Variants in CACNA2D3 observed in about 807,000 individuals in gnomAD.
CACNA2D3 encodes the protein voltage-dependent calcium channel subunit alpha-2/delta-3.
Under a neutral mutation model 160.6 loss-of-function variants are expected in CACNA2D3, and 60 were observed. That is an observed-to-expected ratio of 0.37 (90% CI 0.30 to 0.46). The LOEUF (loss-of-function observed/expected upper bound fraction) is 0.46. Ranked by LOEUF, CACNA2D3 falls within the 20% of genes least tolerant of loss-of-function variation. The pLI, the probability that CACNA2D3 is intolerant of heterozygous loss-of-function variation, is 1.00. For missense variants in CACNA2D3, 1,205 were observed against 1,365.0 expected, an observed-to-expected ratio of 0.88 and a Z score of 1.85; for synonymous variants, 558 against 492.9, an observed-to-expected ratio of 1.13 and a Z score of -1.75.
At chr3:54,664,767 G>A (rs1489498678) in intron 11 of CACNA2D3, among the ~76,000 whole-genome samples, 1 of 152,196 alleles carries the variant, frequency 6.6e-6, no homozygotes, top group African/African-American at 2.4e-5. Flanking sequence ...TCAGAGGCTG[G>A]TGCTTTCTCT....
intron 2 of CACNA2D3, among the ~76,000 whole-genome samples, chr3:54,179,307 G>C (rs1700736584): frequency 6.6e-6 from 1 of 152,214 alleles, no homozygotes; most frequent in Non-Finnish European, 1.5e-5. Flanking sequence ...CATGCAGAAG[G>C]ATCTGGAAGG....
In CACNA2D3 at chr3:55,014,636, G is replaced by A. The variant is rs796600481; in HGVS notation, c.2876-3570G>A. On this transcript the variant is annotated intron_variant, in intron 34 of 37. Transcript: ENST00000474759. The stretch of plus-strand genomic sequence containing the variant: ...AATCCCAGCTACTTGGGAGGCTAAG[G>A]TAGGAGAATCGTTTGAACCCAGGAG... Among the ~76,000 whole-genome samples, 8 of 152,246 alleles carry A rather than the reference G, an allele frequency of 5.3e-5. No homozygotes were observed. In the South Asian group the frequency reaches 1.7e-3, roughly 32 times the overall value.
intron 13 of CACNA2D3, among the ~76,000 whole-genome samples, chr3:54,767,181 TG>T (rs935369679): frequency 4.0e-5 from 6 of 151,864 alleles, no homozygotes; most frequent in Admixed American, 6.6e-5. Flanking sequence ...TAAACAAGAT[TG>T]GGGGGAAATT....
chr3:54,512,699 T>A (rs1701478943), intron 5 of CACNA2D3, among the ~76,000 whole-genome samples: 4 of 152,192 alleles, frequency 2.6e-5, no homozygotes, highest in Admixed American at 1.3e-4. Context: ...GATGCATGGA[T>A]GTGGTGAACC....
chr3:54,154,244 A>G (rs915527526), intron 2 of CACNA2D3, among the ~76,000 whole-genome samples: 17 of 152,222 alleles, frequency 1.1e-4, no homozygotes, highest in Admixed American at 6.5e-4. Context: ...AAACATAGCC[A>G]ATACTTGTCT....
At chr3:54,128,520 T>C (rs1699643171) in intron 2 of CACNA2D3, among the ~76,000 whole-genome samples, 1 of 152,126 alleles carries the variant, frequency 6.6e-6, no homozygotes, top group African/African-American at 2.4e-5. Context: ...CCTAAAGAAG[T>C]GTACATTTTC....
chr3:55,012,703 A>G (rs985476997), intron 34 of CACNA2D3, among the ~76,000 whole-genome samples: 7 of 152,162 alleles, frequency 4.6e-5, no homozygotes, highest in African/African-American at 1.4e-4. Context: ...CGTAGAGGCC[A>G]GGGATGCAGC....
chr3:54,728,492 G>C (rs936849829), intron 11 of CACNA2D3, among the ~76,000 whole-genome samples: 2 of 152,032 alleles, frequency 1.3e-5, no homozygotes, highest in African/African-American at 2.4e-5. Context: ...TAGAGTCTGT[G>C]CCTGTCTGTA....
At chr3:55,057,661 GATTT>G (rs1704398161) in intron 35 of CACNA2D3, among the ~76,000 whole-genome samples, 1 of 152,136 alleles carries the variant, frequency 6.6e-6, no homozygotes, top group Non-Finnish European at 1.5e-5. Flanking sequence ...TTCTCATGGT[GATTT>G]GCCCATTAAT....
chr3:54,961,877 T>C (rs1702036518), intron 27 of CACNA2D3, among the ~76,000 whole-genome samples: 1 of 152,048 alleles, frequency 6.6e-6, no homozygotes, highest in African/African-American at 2.4e-5. Context: ...TAAAGCCTCT[T>C]CTCAGAGGCT....
chr3:54,924,172 A>G (rs931235183), intron 27 of CACNA2D3, among the ~76,000 whole-genome samples: 5 of 152,216 alleles, frequency 3.3e-5, no homozygotes, highest in Admixed American at 2.6e-4. Context: ...AGAAAGGACA[A>G]TTTTAGAAAA....
chr3:54,609,289 C>T (rs181503423), intron 9 of CACNA2D3, among the ~76,000 whole-genome samples: 2 of 152,194 alleles, frequency 1.3e-5, no homozygotes, highest in Non-Finnish European at 2.9e-5. Flanking sequence ...GACACCTTCA[C>T]CTTAGACTTC....
At chr3:54,505,597 C>T (rs1446324805) in intron 5 of CACNA2D3, among the ~76,000 whole-genome samples, 1 of 152,122 alleles carries the variant, frequency 6.6e-6, no homozygotes, top group East Asian at 1.9e-4. Flanking sequence ...ATGAAACTGC[C>T]CCTTTTTGTG....
At chr3:54,990,513 A>G (rs868375619) in intron 31 of CACNA2D3, among the ~76,000 whole-genome samples, 1 of 152,226 alleles carries the variant, frequency 6.6e-6, no homozygotes, top group Non-Finnish European at 1.5e-5. Context: ...CCTGGGTGAC[A>G]GAGCGAGACT....
chr3:54,318,307 C>T (rs1167988958), intron 2 of CACNA2D3, among the ~76,000 whole-genome samples: 1 of 151,988 alleles, frequency 6.6e-6, no homozygotes, highest in African/African-American at 2.4e-5. Context: ...AGAGAAAAGT[C>T]TAGATTGAAG....
intron 2 of CACNA2D3, among the ~76,000 whole-genome samples, chr3:54,243,277 C>T (rs1031472162): frequency 6.6e-6 from 1 of 152,206 alleles, no homozygotes; most frequent in African/African-American, 2.4e-5. Context: ...CAAATGTTTG[C>T]GAAACGGCAG....
chr3:54,464,269 G>C, intron 4 of CACNA2D3, among the ~76,000 whole-genome samples: 1 of 152,190 alleles, frequency 6.6e-6, no homozygotes. Flanking sequence ...CATATCTCCA[G>C]CTGCGTGCTG....
chr3:54,487,340 C>T (rs1025564087), intron 4 of CACNA2D3, among the ~76,000 whole-genome samples: 60 of 152,128 alleles, frequency 3.9e-4, no homozygotes, highest in African/African-American at 1.4e-3. Context: ...TGCACTCCTG[C>T]TTGGGTGACA....
intron 11 of CACNA2D3, among the ~76,000 whole-genome samples, 162 bp from the exon 12 acceptor site, chr3:54,752,437 C>G (rs968432326): frequency 1.3e-5 from 2 of 152,200 alleles, no homozygotes; most frequent in South Asian, 2.1e-4. Context: ...ATTTTGAGTA[C>G]ATTTCTAGCT....
Sources: allele counts gnomAD v4.1 joint callset (sites outside exome capture counted in the v4.1 genomes callset), GRCh38; gene constraint gnomAD v4.1.1; transcripts MANE v1.5; gene names NCBI Gene and HGNC (gene_info 2026-07-23, HGNC 2026-07-21).